FGD4: variants seen among roughly 807,000 people sequenced by gnomAD.
FGD4 encodes the protein FYVE, RhoGEF and PH domain-containing protein 4.
In FGD4, 42 loss-of-function variants were observed where a neutral mutation model predicts 102.0. The observed-to-expected ratio is 0.41, with a 90% CI of 0.32 to 0.53. FGD4 has a LOEUF of 0.53. FGD4 is among the 20% of genes least tolerant of loss of function. The pLI is 0.21. For synonymous variants in FGD4, 380 were observed against 375.7 expected (o/e 1.01, Z -0.13); for missense variants, 902 against 1,078.2 (o/e 0.84, Z 2.29).
At chr12:32,449,967 C>T (rs1437830099) in intron 1 of FGD4, among the ~76,000 whole-genome samples, 1 of 151,772 alleles carries the variant, frequency 6.6e-6, no homozygotes, top group Admixed American at 6.6e-5. Context: ...GAGTCTTGCT[C>T]CGTCACCCAG....
In FGD4 at chr12:32,645,873, T is replaced by G. The variant is rs1461640502; in HGVS notation, c.*5340T>G. The G allele has an allele frequency of 6.6e-6, 1 of 152,242 alleles. No homozygotes were observed. Among genetic ancestry groups the G allele is most frequent in the Admixed American group, 6.5e-5 (1 of 15,282 alleles). 9.4% of individuals were successfully genotyped at this position (152,242 alleles called of 1,614,324 possible). The stretch of plus-strand genomic sequence containing the variant: ...ACTCAAGTGTGAAAGTATACACAAG[T>G]AATTTTTCTTTTCTAGCTATGTGAA... On this transcript the variant is annotated 3_prime_UTR_variant, in exon 17 of 17. Transcript: ENST00000534526.
intron 1 of FGD4, among the ~76,000 whole-genome samples, chr12:32,408,585 A>C (rs1321192309): frequency 6.6e-6 from 1 of 151,964 alleles, no homozygotes; most frequent in Non-Finnish European, 1.5e-5. Context: ...TAAACCTTGA[A>C]ATTTTCTAGA....
intron 1 of FGD4, among the ~76,000 whole-genome samples, chr12:32,547,730 G>C (rs978246436): frequency 6.6e-6 from 1 of 152,082 alleles, no homozygotes; most frequent in Non-Finnish European, 1.5e-5. Flanking sequence ...TTTTTAAGAC[G>C]GAGTCTCACT....
chr12:32,438,950 G>A (rs889598310), intron 1 of FGD4, among the ~76,000 whole-genome samples: 1 of 152,092 alleles, frequency 6.6e-6, no homozygotes, highest in Non-Finnish European at 1.5e-5. Context: ...GGAATGATTC[G>A]ATCGATTTGA....
At chr12:32,543,413 C>G (rs1240291121) in intron 1 of FGD4, among the ~76,000 whole-genome samples, 1 of 152,176 alleles carries the variant, frequency 6.6e-6, no homozygotes, top group Non-Finnish European at 1.5e-5. Context: ...GGCACTCTCC[C>G]TCTCCAGAAG....
chr12:32,611,000 A>G, intron 9 of FGD4, 137 bp from the exon 10 acceptor site: 1 of 1,264,662 alleles, frequency 7.9e-7, no homozygotes, highest in South Asian at 1.3e-5. Context: ...ACTTGCTAAT[A>G]AGTGATGGAA....
At chr12:32,459,725 G>C (rs1408346059) in intron 1 of FGD4, among the ~76,000 whole-genome samples, 1 of 150,756 alleles carries the variant, frequency 6.6e-6, no homozygotes, top group African/African-American at 2.4e-5. Context: ...TTCTAGACAG[G>C]GCCTCACTCT....
At chr12:32,416,823 C>T (rs1374089332) in intron 1 of FGD4, among the ~76,000 whole-genome samples, 1 of 151,920 alleles carries the variant, frequency 6.6e-6, no homozygotes, top group Non-Finnish European at 1.5e-5. Context: ...TCCTGTTTTT[C>T]TGTGTGCCAT....
chr12:32,415,938 G>C (rs753745997), intron 1 of FGD4, among the ~76,000 whole-genome samples: 24 of 151,886 alleles, frequency 1.6e-4, no homozygotes, highest in Non-Finnish European at 3.1e-4. Flanking sequence ...CAGTCTATTT[G>C]TATCTTTATA....
intron 1 of FGD4, among the ~76,000 whole-genome samples, chr12:32,513,590 G>C (rs1565790491): frequency 3.9e-5 from 6 of 152,194 alleles, no homozygotes. Context: ...GGAGAAAGAT[G>C]ATGAGTCCTC....
intron 16 of FGD4, among the ~76,000 whole-genome samples, chr12:32,639,846 C>T (rs2137087695): frequency 6.6e-6 from 1 of 152,198 alleles, no homozygotes; most frequent in East Asian, 1.9e-4. Flanking sequence ...GTTTACTCTC[C>T]TTTATTGCTT....
At chr12:32,522,865 C>A (rs1940693794) in intron 1 of FGD4, among the ~76,000 whole-genome samples, 1 of 152,238 alleles carries the variant, frequency 6.6e-6, no homozygotes, top group Non-Finnish European at 1.5e-5. Flanking sequence ...CTGATGAACA[C>A]TTCTGTAAAC....
chr12:32,552,742 C>T (rs1268972006), intron 1 of FGD4, among the ~76,000 whole-genome samples: 2 of 151,532 alleles, frequency 1.3e-5, no homozygotes, highest in Non-Finnish European at 2.9e-5. Flanking sequence ...TACAGCAGAG[C>T]ACACTGGCCA....
At chr12:32,538,248 GTGGTGTTC>G (rs1942478365) in intron 1 of FGD4, among the ~76,000 whole-genome samples, 2 of 152,194 alleles carry the variant, frequency 1.3e-5, no homozygotes, top group South Asian at 4.1e-4. Context: ...TTTTTTTGTT[GTGGTGTTC>G]ACTGCTATGT....
intron 1 of FGD4, among the ~76,000 whole-genome samples, chr12:32,455,512 A>G (rs1027587263): frequency 2.0e-4 from 30 of 152,224 alleles, no homozygotes; most frequent in African/African-American, 7.0e-4. Context: ...GATCATTTGC[A>G]GTAGACTTTC....
chr12:32,613,262 T>C (rs1949256496), intron 10 of FGD4, among the ~76,000 whole-genome samples: 1 of 152,102 alleles, frequency 6.6e-6, no homozygotes, highest in Non-Finnish European at 1.5e-5. Context: ...CAGTCTCCAT[T>C]GAAAGGAAAA....
intron 1 of FGD4, among the ~76,000 whole-genome samples, chr12:32,447,577 G>C (rs1163779494): frequency 6.6e-6 from 1 of 152,168 alleles, no homozygotes; most frequent in Non-Finnish European, 1.5e-5. Flanking sequence ...TGGCCCATTT[G>C]TAATATATGA....
intron 1 of FGD4, among the ~76,000 whole-genome samples, chr12:32,556,215 G>A (rs1014126802): frequency 6.6e-6 from 1 of 151,516 alleles, no homozygotes; most frequent in Non-Finnish European, 1.5e-5. Context: ...AATATTTCTT[G>A]ACTTTTCCTT....
At chr12:32,415,113 T>C (rs547166402) in intron 1 of FGD4, among the ~76,000 whole-genome samples, 2 of 152,324 alleles carry the variant, frequency 1.3e-5, no homozygotes, top group East Asian at 3.9e-4. Context: ...TGTTATTTAT[T>C]TGTAGCTTTA....
Sources: allele counts gnomAD v4.1 joint callset (sites outside exome capture counted in the v4.1 genomes callset), GRCh38; gene constraint gnomAD v4.1.1; transcripts MANE v1.5; gene names NCBI Gene and HGNC (gene_info 2026-07-23, HGNC 2026-07-21).